CHN2: variants seen among roughly 807,000 people sequenced by gnomAD.
The protein encoded by CHN2 is beta-chimaerin.
CHN2 carries 35 observed loss-of-function variants against 56.3 expected under a neutral mutation model. The observed-to-expected ratio is 0.62, with a 90% confidence interval of 0.47 to 0.82. The LOEUF is 0.82. Ranked by LOEUF, CHN2 falls within the 40% of genes least tolerant of loss-of-function variation. CHN2 has a pLI of 0.00. For synonymous variants in CHN2, 210 were observed against 212.8 expected (o/e 0.99, Z 0.12); for missense variants, 491 against 580.5 (o/e 0.85, Z 1.58).
rs556819916 is a variant in CHN2, at chr7:29,185,018, T to C, written c.274+38058T>C. On this transcript the variant is annotated intron_variant, in intron 2 of 6. Coordinates refer to the CHN2 transcript ENST00000439384. ...AAGTGCATTTGTCTGTGATACCCCC[T>C]CTTTCTGTCCAAGCTGAGGGTTTTA... Among the ~76,000 whole-genome samples, 30 of 152,308 alleles carry C rather than the reference T, an allele frequency of 2.0e-4. No individual in the cohort carries two copies. The South Asian group carries it at 3.3e-3, about 17-fold the overall frequency.
At chr7:29,271,089 G>C (rs77171499) in intron 1 of CHN2, among the ~76,000 whole-genome samples, 1 of 152,126 alleles carries the variant, frequency 6.6e-6, no homozygotes, top group South Asian at 2.1e-4. Flanking sequence ...AAACAGAAAC[G>C]ATTAACCTTG....
chr7:29,351,107 C>CAAA (rs55787771), intron 1 of CHN2, among the ~76,000 whole-genome samples: 970 of 69,968 alleles, frequency 0.014, 29 homozygotes, highest in African/African-American at 0.046. Context: ...GACTCCATCT[C>CAAA]AAAAAAAAAA....
At chr7:29,474,423 C>A (rs1459860269) in intron 6 of CHN2, among the ~76,000 whole-genome samples, 1 of 152,168 alleles carries the variant, frequency 6.6e-6, no homozygotes, top group Non-Finnish European at 1.5e-5. Flanking sequence ...ATAATTGGAT[C>A]AATGCACATG....
intron 1 of CHN2, among the ~76,000 whole-genome samples, chr7:29,316,135 T>G (rs1384693327): frequency 6.6e-6 from 1 of 152,186 alleles, no homozygotes; most frequent in Non-Finnish European, 1.5e-5. Flanking sequence ...CTTACAGCTC[T>G]AAAGTTGTGT....
In CHN2 at chr7:29,176,511, T is replaced by C. The variant is rs150379673; in HGVS notation, c.274+29551T>C. Reference sequence around the variant, plus strand: ...GGAAATTAACTGTCAGCTTGAATCCTATACAAATCTAACTTTGATTCCAAA... The same window carrying C: ...GGAAATTAACTGTCAGCTTGAATCCCATACAAATCTAACTTTGATTCCAAA... On this transcript the variant is annotated intron_variant, in intron 2 of 6. Transcript: ENST00000439384. Among the ~76,000 whole-genome samples the C allele has an allele frequency of 4.4e-3, 677 of 152,336 alleles. 5 individuals are homozygous for C. Among genetic ancestry groups the C allele is most frequent in the Middle Eastern group, 0.024 (7 of 294 alleles).
At chr7:29,439,030 T>C (rs1783439617) in intron 6 of CHN2, among the ~76,000 whole-genome samples, 2 of 152,216 alleles carry the variant, frequency 1.3e-5, no homozygotes, top group Admixed American at 6.5e-5. Flanking sequence ...CTAATGAATG[T>C]GACATTTGCC....
intron 1 of CHN2, among the ~76,000 whole-genome samples, chr7:29,346,115 G>A (rs752870548): frequency 6.6e-6 from 1 of 152,150 alleles, no homozygotes; most frequent in Non-Finnish European, 1.5e-5. Context: ...ACAGCCTTCA[G>A]ATCTGGGTGT....
At chr7:29,344,548 T>C (rs1019982318) in intron 1 of CHN2, among the ~76,000 whole-genome samples, 2 of 152,134 alleles carry the variant, frequency 1.3e-5, no homozygotes, top group African/African-American at 4.8e-5. Flanking sequence ...TTGCCTCTGG[T>C]TCCTGCAGGC....
At chr7:29,155,786 C>A (rs1022970107) in intron 2 of CHN2, among the ~76,000 whole-genome samples, 2 of 152,182 alleles carry the variant, frequency 1.3e-5, no homozygotes, top group Admixed American at 1.3e-4. Flanking sequence ...GTTGACAAAT[C>A]TCATCCTTGT....
In CHN2 at chr7:29,341,564, G is replaced by A. The variant is rs553048243; in HGVS notation, c.50-13061G>A. On this transcript the variant is annotated intron_variant, in intron 1 of 12. Transcript: ENST00000222792. ...ACCTGATATGCAGAGGATCCTTGAG[G>A]AAGAACAGGGAGGGACAGAAAGAGG... Among the ~76,000 whole-genome samples the A allele has an allele frequency of 1.2e-4, 18 of 151,916 alleles. 1 individual carries two copies. In the South Asian group the frequency reaches 3.3e-3, roughly 28 times the overall value.
chr7:29,191,293 C>T (rs1782861172), upstream of CHN2, among the ~76,000 whole-genome samples: 1 of 152,152 alleles, frequency 6.6e-6, no homozygotes, highest in African/African-American at 2.4e-5. Flanking sequence ...TAAGACAGAG[C>T]ATGAGATCTG....
At chr7:29,391,012 C>T (rs1264377052) in intron 3 of CHN2, among the ~76,000 whole-genome samples, 1 of 152,130 alleles carries the variant, frequency 6.6e-6, no homozygotes, top group Non-Finnish European at 1.5e-5. Flanking sequence ...TGTTTAGACT[C>T]CTGTGAGTAA....
rs1191869332 is a variant in CHN2 at position 29,241,626 on chromosome 7, T to C, written c.49+46636T>C. The stretch of plus-strand genomic sequence containing the variant: ...GGGGCAGTTCAGGAACTCTGTAGTC[T>C]TAGTGAGAGTCACACTTTTCCTTAA... On this transcript the variant is annotated intron_variant, in intron 1 of 12. Coordinates refer to ENST00000222792, the MANE Select transcript of CHN2 (RefSeq NM_004067.4). Among the ~76,000 whole-genome samples, 6 of 152,028 alleles carry C rather than the reference T, an allele frequency of 3.9e-5. No individual in the cohort carries two copies. In the East Asian group the frequency reaches 1.2e-3, roughly 29 times the overall value.
At chr7:29,260,277 C>T (rs1262349340) in intron 1 of CHN2, among the ~76,000 whole-genome samples, 1 of 152,186 alleles carries the variant, frequency 6.6e-6, no homozygotes, top group Admixed American at 6.5e-5. Flanking sequence ...GCACCTGGAT[C>T]TTCTATCTAA....
chr7:29,146,693 C>A, exon 1 of CHN2: 1 of 1,550,602 alleles, frequency 6.4e-7, no homozygotes. Context: ...AGCAAGCAGC[C>A]CCAGGGTGGA....
intron 6 of CHN2, among the ~76,000 whole-genome samples, chr7:29,459,842 A>G (rs1186027273): frequency 2.6e-5 from 4 of 152,210 alleles, no homozygotes; most frequent in Non-Finnish European, 4.4e-5. Context: ...AAGCTTGTCT[A>G]TCGTTACCAT....
intron 2 of CHN2, among the ~76,000 whole-genome samples, chr7:29,177,648 C>T (rs1797535210): frequency 6.6e-6 from 1 of 151,484 alleles, no homozygotes; most frequent in South Asian, 2.1e-4. Context: ...ATCTATCTGT[C>T]CATCTATTAA....
At chr7:29,249,071 A>G (rs563577016) in intron 1 of CHN2, among the ~76,000 whole-genome samples, 11 of 152,218 alleles carry the variant, frequency 7.2e-5, no homozygotes, top group African/African-American at 2.2e-4. Context: ...AGCTAGCTGG[A>G]TAGATATAGA....
chr7:29,415,744 A>T (rs1019463479), intron 6 of CHN2, among the ~76,000 whole-genome samples: 2 of 152,144 alleles, frequency 1.3e-5, no homozygotes, highest in African/African-American at 4.8e-5. Flanking sequence ...TTTTAGAAGG[A>T]TACATTGGTG....
Sources: gnomAD v4.1 joint callset for allele counts (sites outside exome capture counted in the v4.1 genomes callset) on GRCh38, gnomAD v4.1.1 for gene constraint, MANE v1.5 for transcripts, NCBI Gene and HGNC (gene_info 2026-07-23, HGNC 2026-07-21) for gene names.